MPPED2: variants seen among roughly 807,000 people sequenced by gnomAD.
MPPED2 encodes the protein metallophosphoesterase MPPED2.
Under a neutral mutation model 33.0 loss-of-function variants are expected in MPPED2, and 5 were observed. The observed-to-expected ratio is 0.15, with a 90% CI of 0.08 to 0.32. MPPED2 has a LOEUF of 0.32. Among genes scored for constraint, MPPED2 ranks in the 10% least tolerant of loss-of-function variants. MPPED2 has a pLI of 1.00. For missense variants in MPPED2, 275 were observed against 372.1 expected (o/e 0.74, Z 2.15); for synonymous variants, 136 against 141.9 (o/e 0.96, Z 0.29).
At chr11:30,440,840 G>T (rs1449383010) in intron 4 of MPPED2, among the ~76,000 whole-genome samples, 3 of 152,208 alleles carry the variant, frequency 2.0e-5, no homozygotes, top group Non-Finnish European at 2.9e-5. Context: ...AATGATGCAT[G>T]CAGAGGACGC....
intron 4 of MPPED2, among the ~76,000 whole-genome samples, chr11:30,483,049 C>T (rs866715239): frequency 6.6e-6 from 1 of 152,166 alleles, no homozygotes; most frequent in Non-Finnish European, 1.5e-5. Context: ...AAAATTCGCT[C>T]GTCTCTCATG....
At chr11:30,440,978 G>A (rs1182745806) in intron 4 of MPPED2, among the ~76,000 whole-genome samples, 1 of 152,142 alleles carries the variant, frequency 6.6e-6, no homozygotes, top group African/African-American at 2.4e-5. Context: ...TGTCTTTACT[G>A]CAGGACTTCT....
At chr11:30,474,820 T>C (rs1045160039) in intron 4 of MPPED2, among the ~76,000 whole-genome samples, 2 of 152,172 alleles carry the variant, frequency 1.3e-5, no homozygotes, top group Admixed American at 1.3e-4. Flanking sequence ...TAATTTCCAA[T>C]GTTTTGAGTC....
intron 4 of MPPED2, among the ~76,000 whole-genome samples, chr11:30,485,302 A>G (rs1312726217): frequency 6.6e-6 from 1 of 152,122 alleles, no homozygotes; most frequent in Non-Finnish European, 1.5e-5. Flanking sequence ...CTTTAAAACA[A>G]TTTTACGTCT....
At chr11:30,525,663 G>A (rs892988662) in intron 3 of MPPED2, among the ~76,000 whole-genome samples, 2 of 152,062 alleles carry the variant, frequency 1.3e-5, no homozygotes, top group African/African-American at 4.8e-5. Context: ...ATGTGACCCA[G>A]CCTGTCCTTC....
chr11:30,415,256 G>C (rs751521706), intron 5 of MPPED2, among the ~76,000 whole-genome samples: 13 of 152,126 alleles, frequency 8.5e-5, no homozygotes, highest in Non-Finnish European at 1.8e-4. Context: ...TATTCGCTGG[G>C]GTTTAAGGAG....
chr11:30,434,964 G>A (rs1387406244), intron 4 of MPPED2, among the ~76,000 whole-genome samples: 1 of 152,118 alleles, frequency 6.6e-6, no homozygotes, highest in Non-Finnish European at 1.5e-5. Flanking sequence ...CTCAGATTTG[G>A]TTGCCTTCAG....
intron 4 of MPPED2, among the ~76,000 whole-genome samples, chr11:30,463,653 T>C (rs1227463394): frequency 6.6e-6 from 1 of 152,164 alleles, no homozygotes; most frequent in Admixed American, 6.5e-5. Flanking sequence ...CTCAGAAGTG[T>C]AAAGGAAGAA....
rs539899907 is a variant in MPPED2, at chr11:30,430,635, GCA to G, written c.537-13004_537-13003del. Among the ~76,000 whole-genome samples the G allele has an allele frequency of 1.4e-4, 21 of 152,262 alleles. No individual in the cohort carries two copies. In the South Asian group the frequency reaches 4.1e-3, roughly 30 times the overall value. On this transcript the variant is annotated intron_variant, in intron 4 of 6. Coordinates refer to ENST00000358117, the MANE Select transcript of MPPED2 (RefSeq NM_001584.3). ...ATCCAAAAGTAAGTAAAAATGCTAT[GCA>G]CAGAGTTGTTCACACAGTGTAATTC...
At chr11:30,481,086 C>T (rs1011783426) in intron 4 of MPPED2, among the ~76,000 whole-genome samples, 1 of 152,080 alleles carries the variant, frequency 6.6e-6, no homozygotes, top group Non-Finnish European at 1.5e-5. Flanking sequence ...GTAGCTAATA[C>T]TGTAGCTAAA....
At chr11:30,441,183 A>G (rs1479197116) in intron 4 of MPPED2, 2 of 152,220 alleles carry the variant, frequency 1.3e-5, no homozygotes, top group African/African-American at 2.4e-5. Flanking sequence ...CCCCCTACAC[A>G]GACGGCATAT....
chr11:30,436,232 A>C (rs1949320336), intron 4 of MPPED2, among the ~76,000 whole-genome samples: 1 of 152,066 alleles, frequency 6.6e-6, no homozygotes, highest in Non-Finnish European at 1.5e-5. Context: ...AGTCCCTGCC[A>C]CTTATTGAGT....
At chr11:30,454,186 C>T (rs1369478810) in intron 4 of MPPED2, among the ~76,000 whole-genome samples, 1 of 152,178 alleles carries the variant, frequency 6.6e-6, no homozygotes, top group East Asian at 1.9e-4. Context: ...CTATAGGAAC[C>T]TTATTTACAG....
intron 2 of MPPED2, among the ~76,000 whole-genome samples, chr11:30,558,357 T>C (rs1459178207): frequency 1.3e-5 from 2 of 152,120 alleles, no homozygotes; most frequent in African/African-American, 2.4e-5. Context: ...CTTACTTATA[T>C]GTACTTTGTA....
intron 2 of MPPED2, among the ~76,000 whole-genome samples, chr11:30,555,479 T>C (rs1215720220): frequency 6.6e-6 from 1 of 152,170 alleles, no homozygotes; most frequent in Admixed American, 6.5e-5. Flanking sequence ...ATCTCATCTT[T>C]AATCGTAGCT....
chr11:30,393,597 G>T (rs888722322), intron 6 of MPPED2, among the ~76,000 whole-genome samples: 2 of 122,348 alleles, frequency 1.6e-5, no homozygotes, highest in African/African-American at 5.6e-5. Context: ...AGGAGTTTTT[G>T]TTATGTTTAG....
At chr11:30,396,997 A>C (rs1223329441) in intron 6 of MPPED2, among the ~76,000 whole-genome samples, 1 of 152,062 alleles carries the variant, frequency 6.6e-6, no homozygotes, top group Non-Finnish European at 1.5e-5. Flanking sequence ...AATTTTTGTT[A>C]GGTATATTGT....
chr11:30,399,557 T>C (rs1474581108), intron 6 of MPPED2, among the ~76,000 whole-genome samples: 1 of 152,222 alleles, frequency 6.6e-6, no homozygotes, highest in Admixed American at 6.5e-5. Context: ...CATTTTGCAT[T>C]TATCTTCAGA....
At chr11:30,430,344 A>G (rs1334809567) in intron 4 of MPPED2, among the ~76,000 whole-genome samples, 1 of 152,060 alleles carries the variant, frequency 6.6e-6, no homozygotes, top group Non-Finnish European at 1.5e-5. Flanking sequence ...GCTTCATATT[A>G]AAAAAAAGAA....
Sources: gnomAD v4.1 joint callset for allele counts (sites outside exome capture counted in the v4.1 genomes callset) on GRCh38, gnomAD v4.1.1 for gene constraint, MANE v1.5 for transcripts, NCBI Gene and HGNC (gene_info 2026-07-23, HGNC 2026-07-21) for gene names.